Variants in WLS observed in about 807,000 individuals in gnomAD.
The protein encoded by WLS is Wnt ligand secretion mediator.
A neutral mutation model predicts 62.8 loss-of-function variants in WLS; 23 were observed. The ratio of observed to expected loss-of-function variants is 0.37; its 90% CI spans 0.26 to 0.52. The LOEUF (loss-of-function observed/expected upper bound fraction) is 0.52. Ranked by LOEUF, WLS falls within the 20% of genes least tolerant of loss-of-function variation. WLS has a pLI of 0.92. For synonymous variants in WLS, 246 were observed against 244.1 expected (o/e 1.01, Z -0.07); for missense variants, 615 against 697.3 (o/e 0.88, Z 1.33).
At position 68,155,246 on chromosome 1, in the gene WLS, C is replaced by G. The variant is rs149247893; in HGVS notation, c.519G>C (p.Glu173Asp). The G allele has an allele frequency of 1.9e-6, 3 of 1,612,932 alleles. No individual in the cohort carries two copies. The African/African-American group carries it at 4.0e-5, about 22-fold the overall frequency. The part of the protein sequence containing the change: ...TFTSPKTPEH[E>D]GRYYECDVLP... ...GGACATCACATTCATAGTAACGGCC[C>G]TCATGCTCTGGAGTCTGGAAAAAGA... is the stretch of plus-strand genomic sequence containing the variant. The change falls in exon 4 of 12, where the codon GAG becomes GAC. Residue 173 changes from glutamate to aspartate, a missense_variant. Coordinates refer to ENST00000262348, the MANE Select transcript of WLS (RefSeq NM_024911.7).
chr1:68,162,386 T>A, intron 2 of WLS: 1 of 1,613,908 alleles, frequency 6.2e-7, no homozygotes. Context: ...ACGCAGTCGC[T>A]CTGATACAGC....
In WLS at chr1:68,187,782, C is replaced by CA. The variant is rs145333147; in HGVS notation, c.379+6172dup. Among the ~76,000 whole-genome samples the CA allele has an allele frequency of 7.5e-3, 1,111 of 147,186 alleles. 6 individuals are homozygous for CA. The highest frequency in any genetic ancestry group is 0.035 in the Middle Eastern group (10 of 288). ...AATACAAAACATCATTAGAAACTGG[C>CA]AAAAAAAAAAGTAGCTAAAAGTATT... On this transcript the variant is annotated intron_variant, in intron 2 of 11. Transcript: ENST00000262348.
intron 3 of WLS, among the ~76,000 whole-genome samples, chr1:68,157,313 T>G (rs1250893060): frequency 6.6e-6 from 1 of 152,196 alleles, no homozygotes; most frequent in Admixed American, 6.5e-5. Flanking sequence ...GTGAGTAACA[T>G]GGACACCCTT....
At chr1:68,110,064 TTAAAGA>T (rs1159248967) in intron 11 of WLS, among the ~76,000 whole-genome samples, 1 of 131,264 alleles carries the variant, frequency 7.6e-6, no homozygotes, top group Non-Finnish European at 1.6e-5. Flanking sequence ...TTAGTAGGAA[TTAAAGA>T]TAAAATAGAA....
intron 11 of WLS, among the ~76,000 whole-genome samples, chr1:68,133,352 G>A (rs1269762383): frequency 6.6e-6 from 1 of 152,152 alleles, no homozygotes; most frequent in Non-Finnish European, 1.5e-5. Context: ...CCACACTCCC[G>A]CAGCACCTAT....
At chr1:68,166,406 C>A (rs1399882986) in intron 2 of WLS, among the ~76,000 whole-genome samples, 1 of 152,196 alleles carries the variant, frequency 6.6e-6, no homozygotes, top group African/African-American at 2.4e-5. Context: ...CATGCACCAG[C>A]CTTCTTCAGG....
intron 2 of WLS, among the ~76,000 whole-genome samples, chr1:68,167,239 C>T (rs1243339118): frequency 1.3e-5 from 2 of 152,214 alleles, no homozygotes; most frequent in Non-Finnish European, 2.9e-5. Context: ...AAATAATTAC[C>T]AGGTTTCAGG....
chr1:68,195,921 C>T (rs1048921062), intron 1 of WLS, among the ~76,000 whole-genome samples: 3 of 151,506 alleles, frequency 2.0e-5, no homozygotes, highest in African/African-American at 7.3e-5. Context: ...TTGAACAGAC[C>T]CTCCCTTTTG....
intron 2 of WLS, among the ~76,000 whole-genome samples, chr1:68,192,841 TC>T (rs1451983572): frequency 6.9e-6 from 1 of 143,984 alleles, no homozygotes; most frequent in Non-Finnish European, 1.5e-5. Flanking sequence ...ACACCTGTAA[TC>T]CCAGCACTTT....
intron 5 of WLS, among the ~76,000 whole-genome samples, chr1:68,152,600 C>A (rs141583468): frequency 6.6e-6 from 1 of 152,056 alleles, no homozygotes; most frequent in Non-Finnish European, 1.5e-5. Context: ...TTGGTGATCC[C>A]GTGAAAAGCA....
At chr1:68,205,589 T>A (rs980512213) in intron 1 of WLS, among the ~76,000 whole-genome samples, 3 of 152,190 alleles carry the variant, frequency 2.0e-5, no homozygotes, top group Non-Finnish European at 2.9e-5. Flanking sequence ...GGGGACAAAA[T>A]GAAATAAAAT....
At chr1:68,106,334 C>T (rs563561070) in intron 11 of WLS, among the ~76,000 whole-genome samples, 27 of 152,156 alleles carry the variant, frequency 1.8e-4, no homozygotes, top group Admixed American at 8.5e-4. Flanking sequence ...GAGGGTACTT[C>T]GAGGGGGGCC....
intron 5 of WLS, 91 bp downstream of exon 5, chr1:68,153,426 G>T: frequency 6.4e-7 from 1 of 1,553,760 alleles, no homozygotes; most frequent in South Asian, 1.2e-5. Context: ...GTCACACACT[G>T]GCTGCTTGAA....
chr1:68,191,947 T>C (rs1177039411), intron 2 of WLS, among the ~76,000 whole-genome samples: 2 of 152,178 alleles, frequency 1.3e-5, no homozygotes, highest in African/African-American at 2.4e-5. Flanking sequence ...AAGTCTTCCT[T>C]TTCTCTGCTG....
chr1:68,209,143 A>AG (rs1012691159), intron 1 of WLS, among the ~76,000 whole-genome samples: 1 of 117,492 alleles, frequency 8.5e-6, no homozygotes, highest in African/African-American at 3.4e-5. Flanking sequence ...TGGCAAGTTC[A>AG]GGGGGGGTGT....
chr1:68,140,038 A>G (rs1170941294), intron 10 of WLS, among the ~76,000 whole-genome samples: 1 of 152,284 alleles, frequency 6.6e-6, no homozygotes, highest in East Asian at 1.9e-4. Context: ...TGTATTCATA[A>G]CAAGGATAAG....
intron 1 of WLS, among the ~76,000 whole-genome samples, chr1:68,223,809 T>A (rs1024027011): frequency 2.0e-5 from 3 of 152,196 alleles, no homozygotes; most frequent in African/African-American, 7.2e-5. Flanking sequence ...TGCAGAGTCC[T>A]AGCCAAGTTT....
chr1:68,180,399 G>A (rs1202891948), intron 2 of WLS, among the ~76,000 whole-genome samples: 1 of 152,038 alleles, frequency 6.6e-6, no homozygotes, highest in African/African-American at 2.4e-5. Flanking sequence ...TGAATAATGG[G>A]CAAAGCAAGA....
At chr1:68,141,786 A>T (rs933152724) in intron 10 of WLS, 3 of 152,182 alleles carry the variant, frequency 2.0e-5, no homozygotes, top group Admixed American at 6.5e-5. Flanking sequence ...AAATGACATT[A>T]AAAAATAAAT....
Sources: allele counts gnomAD v4.1 joint callset (sites outside exome capture counted in the v4.1 genomes callset), GRCh38; gene constraint gnomAD v4.1.1; transcripts MANE v1.5; gene names NCBI Gene and HGNC (gene_info 2026-07-23, HGNC 2026-07-21).